The following CATSPERB variants were observed in gnomAD, a reference collection of about 807,000 sequenced individuals.
CATSPERB encodes catsper channel auxiliary subunit beta.
Under a neutral mutation model 128.3 loss-of-function variants are expected in CATSPERB, and 93 were observed. The observed-to-expected ratio is 0.72, with a 90% CI of 0.61 to 0.86. The LOEUF (loss-of-function observed/expected upper bound fraction) is 0.86, where lower values mean the gene tolerates loss of function less well. CATSPERB is among the 40% of genes least tolerant of loss of function. The pLI is 0.00. For missense variants in CATSPERB, 1,153 were observed against 1,329.5 expected, an observed-to-expected ratio of 0.87 and a Z score of 2.06; for synonymous variants, 381 against 448.8, an observed-to-expected ratio of 0.85 and a Z score of 1.91.
At chr14:91,713,276 A>C (rs1319889346) in intron 5 of CATSPERB, among the ~76,000 whole-genome samples, 1 of 118,974 alleles carries the variant, frequency 8.4e-6, no homozygotes, top group Non-Finnish European at 1.9e-5. Flanking sequence ...TCCCAACTTA[A>C]CAAACTAGGA....
intron 9 of CATSPERB, among the ~76,000 whole-genome samples, chr14:91,691,954 G>A (rs993392307): frequency 3.3e-5 from 5 of 152,098 alleles, no homozygotes; most frequent in Non-Finnish European, 5.9e-5. Context: ...CGCGATAGGC[G>A]GATCACGAGG....
At chr14:91,708,288 T>C in intron 5 of CATSPERB, 52 bp from the exon 6 acceptor site, 1 of 1,214,936 alleles carries the variant, frequency 8.2e-7, no homozygotes, top group Non-Finnish European at 1.2e-6. Flanking sequence ...ATGTTGTGTT[T>C]GGTGAAATTT....
chr14:91,705,651 AC>A (rs1309010336), intron 6 of CATSPERB, among the ~76,000 whole-genome samples: 2 of 151,984 alleles, frequency 1.3e-5, no homozygotes, highest in African/African-American at 4.8e-5. Context: ...TTTTCTCACA[AC>A]CCTATTTTTC....
chr14:91,728,657 A>G (rs1896159608), intron 2 of CATSPERB, among the ~76,000 whole-genome samples: 1 of 152,226 alleles, frequency 6.6e-6, no homozygotes, highest in South Asian at 2.1e-4. Flanking sequence ...CTGTTATAAT[A>G]ATAAAACACA....
At chr14:91,635,189 ACCAAGGGCC>A (rs1399734770) in intron 17 of CATSPERB, among the ~76,000 whole-genome samples, 1 of 152,000 alleles carries the variant, frequency 6.6e-6, no homozygotes, top group African/African-American at 2.4e-5. Context: ...CTAGTCACCT[ACCAAGGGCC>A]CCACCTCCTA....
intron 11 of CATSPERB, among the ~76,000 whole-genome samples, chr14:91,683,334 C>A (rs927457483): frequency 6.6e-6 from 1 of 152,174 alleles, no homozygotes; most frequent in Non-Finnish European, 1.5e-5. Context: ...GACTATGCCA[C>A]CCACTTTCCA....
chr14:91,721,839 G>A (rs1227168176), intron 4 of CATSPERB, among the ~76,000 whole-genome samples: 2 of 146,652 alleles, frequency 1.4e-5, no homozygotes, highest in Non-Finnish European at 3.0e-5. Context: ...GACAGAACGA[G>A]ACTCTGTCTA....
chr14:91,605,645 C>G (rs1275420603), intron 22 of CATSPERB, among the ~76,000 whole-genome samples: 1 of 152,134 alleles, frequency 6.6e-6, no homozygotes, highest in Admixed American at 6.6e-5. Context: ...TTAAGTTTGT[C>G]AGAGACACTG....
At position 91,709,619 on chromosome 14, in the gene CATSPERB, G is replaced by C. The variant is rs1158912495; in HGVS notation, c.371-1383C>G. On this transcript the variant is annotated intron_variant, in intron 5 of 26. Coordinates refer to ENST00000256343, the MANE Select transcript of CATSPERB (RefSeq NM_024764.4). ...AGGCAGGAGAATGGCGTGAACCCAGGAGGTGGAGCTTGCAGTGAGCCGAGT... is the reference window on the plus strand; with the variant it reads ...AGGCAGGAGAATGGCGTGAACCCAGCAGGTGGAGCTTGCAGTGAGCCGAGT... 1.3e-4 allele frequency: 19 copies of C among 148,468 alleles called. No individual in the cohort carries two copies. In the Admixed American group the frequency reaches 1.3e-3, roughly 10 times the overall value. 9.2% of individuals were successfully genotyped at this position (148,468 alleles called of 1,614,324 possible). A position where few individuals can be genotyped will look rare whatever the true frequency, so the allele number is the denominator to read the frequency against.
chr14:91,686,337 G>A (rs1225928113), intron 10 of CATSPERB, among the ~76,000 whole-genome samples: 2 of 152,110 alleles, frequency 1.3e-5, no homozygotes, highest in African/African-American at 4.8e-5. Flanking sequence ...TGGAATATAG[G>A]AAGTGCTCAA....
At chr14:91,691,129 C>T (rs1895463648) in intron 10 of CATSPERB, among the ~76,000 whole-genome samples, 1 of 152,132 alleles carries the variant, frequency 6.6e-6, no homozygotes, top group African/African-American at 2.4e-5. Context: ...CAGACTTACA[C>T]TGGGGTAGAT....
intron 20 of CATSPERB, among the ~76,000 whole-genome samples, chr14:91,617,288 A>T (rs1019056902): frequency 6.6e-6 from 1 of 152,206 alleles, no homozygotes; most frequent in Non-Finnish European, 1.5e-5. Context: ...CATACAGCTC[A>T]ACTTAATATT....
chr14:91,608,338 C>G lies in CATSPERB; in HGVS notation c.2665G>C (p.Asp889His). 1 of 1,612,894 alleles carries G rather than the reference C, an allele frequency of 6.2e-7. No homozygotes were observed. The highest frequency in any genetic ancestry group is 8.5e-7 in the Non-Finnish European group (1 of 1,179,096). Reference protein sequence around the residue: ...IPLTDNFYHADPSKPIPRNMF... With the variant: ...IPLTDNFYHAHPSKPIPRNMF... ...TTTCTTGGTATGGGTTTGCTAGGATCTGCATGATAAAAATTATCTGTGAGT... is the reference window on the plus strand; with the variant it reads ...TTTCTTGGTATGGGTTTGCTAGGATGTGCATGATAAAAATTATCTGTGAGT... The change falls in exon 22 of 27, where the codon GAT (aspartate) becomes CAT (histidine). Residue 889 changes from aspartate (D) to histidine (H), a missense_variant. Physicochemically the swap from Asp to His is moderately conservative, Grantham distance 81. Transcript: ENST00000256343.
Position 91,603,965 on chromosome 14 carries a change from A to ATT in CATSPERB, c.2709+4327_2709+4328dup, listed in dbSNP as rs35843912. ...AAATGTCTATTCAAGAACTTCATCTATTTTTTTTTTTTTTGTCTCTCTCTC... is the reference window on the plus strand; with the variant it reads ...AAATGTCTATTCAAGAACTTCATCTATTTTTTTTTTTTTTTTGTCTCTCTCTC... On this transcript the variant is annotated intron_variant, in intron 22 of 26. Transcript: ENST00000256343. Among the ~76,000 whole-genome samples the ATT allele has an allele frequency of 1.4e-3, 201 of 139,356 alleles. 1 individual carries two copies. Among genetic ancestry groups the ATT allele is most frequent in the African/African-American group, 4.9e-3 (186 of 37,782 alleles). The allele number at this position is 139,356 out of a possible 152,430, so 91.4% of individuals were successfully genotyped here. A position where few individuals can be genotyped will look rare whatever the true frequency, so the allele number is the denominator to read the frequency against.
intron 16 of CATSPERB, among the ~76,000 whole-genome samples, chr14:91,637,878 G>C (rs957332): frequency 0.24 from 36,200 of 151,906 alleles, 4,496 homozygotes; most frequent in South Asian, 0.38. Context: ...TGAAAAATGA[G>C]GTAAATGCTT....
At chr14:91,611,365 T>C (rs1326703143) in intron 20 of CATSPERB, among the ~76,000 whole-genome samples, 1 of 152,152 alleles carries the variant, frequency 6.6e-6, no homozygotes, top group Non-Finnish European at 1.5e-5. Flanking sequence ...ATCCCAGCAC[T>C]TTGGGAGGCT....
At chr14:91,690,422 G>A (rs1381890649) in intron 10 of CATSPERB, among the ~76,000 whole-genome samples, 2 of 152,094 alleles carry the variant, frequency 1.3e-5, no homozygotes, top group Non-Finnish European at 2.9e-5. Context: ...GCTCTCCCAG[G>A]TCTTAGAACT....
In CATSPERB at chr14:91,608,422, A is replaced by G; in HGVS notation, c.2599-18T>C. 2 of 1,292,038 alleles carry G rather than the reference A, an allele frequency of 1.5e-6. No individual in the cohort carries two copies. The highest frequency in any genetic ancestry group is 2.2e-6 in the Non-Finnish European group (2 of 891,522). The allele number at this position is 1,292,038 out of a possible 1,614,324, so 80.0% of individuals were successfully genotyped here. A position where few individuals can be genotyped will look rare whatever the true frequency, so the allele number is the denominator to read the frequency against. On this transcript the variant is annotated intron_variant, in intron 21 of 26. Transcript: ENST00000256343. ...TAGTTTATCTGCAAGTGATTAAACA[A>G]AGAAAATGTACAATTCATTATTATG...
chr14:91,681,152 C>T (rs915995985), intron 11 of CATSPERB, among the ~76,000 whole-genome samples: 2 of 152,300 alleles, frequency 1.3e-5, no homozygotes, highest in Non-Finnish European at 1.5e-5. Flanking sequence ...TTGTTCAATT[C>T]GTACGTTTAG....
Sources: gnomAD v4.1 joint callset for allele counts (sites outside exome capture counted in the v4.1 genomes callset) on GRCh38, gnomAD v4.1.1 for gene constraint, MANE v1.5 for transcripts, NCBI Gene and HGNC (gene_info 2026-07-23, HGNC 2026-07-21) for gene names.